The following TMEM131L variants were observed in gnomAD, a reference collection of about 807,000 sequenced individuals.
TMEM131L encodes the protein transmembrane 131 like.
A neutral mutation model predicts 192.2 loss-of-function variants in TMEM131L; 54 were observed. The observed-to-expected ratio is 0.28, with a 90% confidence interval of 0.23 to 0.35. The LOEUF (loss-of-function observed/expected upper bound fraction) is 0.35, where lower values mean the gene tolerates loss of function less well. Among genes scored for constraint, TMEM131L ranks in the 10% least tolerant of loss-of-function variants. The pLI is 1.00. For missense variants in TMEM131L, 1,888 were observed against 1,972.9 expected (o/e 0.96, Z 0.82); for synonymous variants, 701 against 704.9 (o/e 0.99, Z 0.09).
chr4:153,593,621 G>A (rs1445158157), intron 18 of TMEM131L, among the ~76,000 whole-genome samples, 178 bp from the exon 19 acceptor site: 7 of 149,406 alleles, frequency 4.7e-5, no homozygotes, highest in Admixed American at 4.6e-4. Context: ...ATGTGGGGTG[G>A]AGCTGGGTGG....
Position 153,603,813 on chromosome 4 carries a change from A to G in TMEM131L, c.2801A>G (p.Lys934Arg). 6.3e-7 allele frequency: 1 copy of G among 1,577,358 alleles called. No homozygotes were observed. Among genetic ancestry groups the G allele is most frequent in the Non-Finnish European group, 8.6e-7 (1 of 1,167,586 alleles). The change falls in exon 25 of 35, where the codon AAG (lysine) becomes AGG (arginine). Residue 934 changes from lysine (K) to arginine (R), a missense_variant. Transcript: ENST00000409959. ...CTTCTTAAATTCAGAAGCAATTGCA[A>G]GAACTTTCTCGATACATATGGCCCC... ...ISPHSYKSNCKNFLDTYGPSD... is the reference protein window; with the variant it reads ...ISPHSYKSNCRNFLDTYGPSD...
At position 153,596,435 on chromosome 4, in the gene TMEM131L, G is replaced by C. The variant is rs746330118; in HGVS notation, c.2123+50G>C. The C allele has an allele frequency of 5.0e-6, 8 of 1,600,740 alleles. No homozygotes were observed. In the East Asian group the frequency reaches 1.8e-4, roughly 36 times the overall value. On this transcript the variant is annotated intron_variant, in intron 20 of 34. Transcript: ENST00000409959. ...CTGTTTCTTTCTCAATGACTCATCT[G>C]TGTAAATCTCTTTAGCTGATAGTTG...
intron 3 of TMEM131L, among the ~76,000 whole-genome samples, chr4:153,482,950 G>A (rs1325748621): frequency 1.3e-5 from 2 of 152,016 alleles, no homozygotes; most frequent in East Asian, 3.8e-4. Flanking sequence ...AGGGTGATTA[G>A]GTTCGTATTC....
intron 2 of TMEM131L, among the ~76,000 whole-genome samples, chr4:153,470,604 A>G (rs1235465574): frequency 6.6e-6 from 1 of 152,216 alleles, no homozygotes; most frequent in Non-Finnish European, 1.5e-5. Flanking sequence ...AACACACTGA[A>G]TGCAAAGTGG....
At chr4:153,563,217 A>G (rs750882621) in intron 7 of TMEM131L, among the ~76,000 whole-genome samples, 1 of 152,230 alleles carries the variant, frequency 6.6e-6, no homozygotes, top group Non-Finnish European at 1.5e-5. Context: ...AAGGAAAAAC[A>G]GCAGGAATAT....
intron 3 of TMEM131L, among the ~76,000 whole-genome samples, chr4:153,491,651 GTC>G (rs1732788881): frequency 6.6e-6 from 1 of 151,886 alleles, no homozygotes. Flanking sequence ...AATATAATTA[GTC>G]TCTGGATATT....
Position 153,591,135 on chromosome 4 carries a change from T to C in TMEM131L, c.1753T>C (p.Leu585=), listed in dbSNP as rs1231608565. The change falls in exon 17 of 35, where the codon TTG becomes CTG. Residue 585 remains leucine (L), a synonymous_variant. Transcript: ENST00000409959. ...GTCCTTTGTTTTCTTTTTGCCTCGTTTGATCGCAGAGCCTGGCCTCATGTT... is the reference window on the plus strand; with the variant it reads ...GTCCTTTGTTTTCTTTTTGCCTCGTCTGATCGCAGAGCCTGGCCTCATGTT... ...SESFVFFLPR[L]IAEPGLMLNF... The C allele has an allele frequency of 1.9e-6, 3 of 1,611,894 alleles. No individual in the cohort carries two copies. The highest frequency in any genetic ancestry group is 1.7e-4 in the Middle Eastern group (1 of 6,040).
intron 3 of TMEM131L, among the ~76,000 whole-genome samples, chr4:153,547,915 C>A (rs889282682): frequency 6.6e-6 from 1 of 152,246 alleles, no homozygotes; most frequent in Non-Finnish European, 1.5e-5. Flanking sequence ...ATGGCAAATT[C>A]ACTTTTCAGT....
chr4:153,497,966 A>T (rs1490317605), intron 3 of TMEM131L, among the ~76,000 whole-genome samples: 4 of 151,468 alleles, frequency 2.6e-5, no homozygotes, highest in Non-Finnish European at 4.4e-5. Flanking sequence ...AGACATCCTT[A>T]AGGGTTCTGA....
intron 26 of TMEM131L, among the ~76,000 whole-genome samples, chr4:153,619,041 T>C (rs1733200145): frequency 6.6e-6 from 1 of 152,182 alleles, no homozygotes; most frequent in Non-Finnish European, 1.5e-5. Context: ...GAGAACTCTT[T>C]GATGCTTCTG....
intron 3 of TMEM131L, among the ~76,000 whole-genome samples, chr4:153,489,828 A>G (rs568845065): frequency 6.6e-6 from 1 of 152,284 alleles, no homozygotes; most frequent in Non-Finnish European, 1.5e-5. Flanking sequence ...ATAATGAGCA[A>G]ATAGGCAAAA....
chr4:153,602,853 A>G, intron 23 of TMEM131L, 126 bp downstream of exon 23: 1 of 821,920 alleles, frequency 1.2e-6, no homozygotes, highest in South Asian at 1.7e-5. Context: ...TTACTGCTTC[A>G]AGAACTGTGA....
intron 27 of TMEM131L, among the ~76,000 whole-genome samples, chr4:153,621,215 A>G (rs996901696): frequency 7.9e-5 from 12 of 152,184 alleles, no homozygotes; most frequent in African/African-American, 2.9e-4. Context: ...TGGAGCAGGA[A>G]CTAGAGAAAA....
rs2150473579 is a variant in TMEM131L at position 153,557,016 on chromosome 4, T to C, written c.483T>C (p.Thr161=). ...KTSFRIIFLP[T]EEGSIESSLF... ...CCTTCAGAATTATTTTCTTACCTAC[T>C]GAAGAAGGAAGCATTGAAAGTTCCT... Residue 161 remains threonine, a synonymous_variant, in exon 6 of 35, where the codon ACT becomes ACC. Transcript: ENST00000409959. 6.2e-7 allele frequency: 1 copy of C among 1,603,546 alleles called. No homozygotes were observed. The highest frequency in any genetic ancestry group is 2.2e-5 in the East Asian group (1 of 44,772).
At chr4:153,624,388 G>A (rs966514526) in intron 29 of TMEM131L, among the ~76,000 whole-genome samples, 1 of 152,174 alleles carries the variant, frequency 6.6e-6, no homozygotes, top group Non-Finnish European at 1.5e-5. Context: ...CAAAGTGCCG[G>A]GATTACAGGC....
At chr4:153,467,374 A>C (rs2149692399) in intron 2 of TMEM131L, 93 bp downstream of exon 2, 1 of 1,127,140 alleles carries the variant, frequency 8.9e-7, no homozygotes, top group Non-Finnish European at 1.3e-6. Flanking sequence ...TCCAAGCGGC[A>C]CAGGCGTTCG....
chr4:153,481,710 A>AT (rs1407058103), intron 3 of TMEM131L, among the ~76,000 whole-genome samples: 22 of 151,360 alleles, frequency 1.5e-4, no homozygotes, highest in South Asian at 4.2e-4. Context: ...TGATTTTTGT[A>AT]TTTTTTTTGT....
At chr4:153,578,583 C>T (rs151155001) in intron 7 of TMEM131L, among the ~76,000 whole-genome samples, 6,537 of 150,100 alleles carry the variant, frequency 0.044, 376 homozygotes, top group African/African-American at 0.13. Context: ...TGCAGTGGCG[C>T]GATCTCGGCA....
At chr4:153,497,878 C>CAAAAAA (rs200874155) in intron 3 of TMEM131L, among the ~76,000 whole-genome samples, 67 of 70,304 alleles carry the variant, frequency 9.5e-4, no homozygotes, top group Non-Finnish European at 1.5e-3. Flanking sequence ...GAAAAATTTC[C>CAAAAAA]AAAAAAAAAA....
Sources: gnomAD v4.1 joint callset for allele counts (sites outside exome capture counted in the v4.1 genomes callset) on GRCh38, gnomAD v4.1.1 for gene constraint, MANE v1.5 for transcripts, NCBI Gene and HGNC (gene_info 2026-07-23, HGNC 2026-07-21) for gene names.